The following ARHGAP23 variants were observed in gnomAD, a reference collection of about 807,000 sequenced individuals.
ARHGAP23 encodes the protein Rho GTPase activating protein 23, also known as rho GTPase-activating protein 23.
ARHGAP23 carries 34 observed loss-of-function variants against 136.3 expected under a neutral mutation model. The observed-to-expected ratio is 0.25, with a 90% CI of 0.19 to 0.33. ARHGAP23 has a LOEUF of 0.33. ARHGAP23 is among the 10% of genes least tolerant of loss of function. ARHGAP23 has a pLI of 1.00. For missense variants in ARHGAP23, 1,808 were observed against 2,139.0 expected (o/e 0.85, Z 3.05); for synonymous variants, 832 against 920.5 (o/e 0.90, Z 1.74).
chr17:38,465,669 G>A (rs1460157676), intron 6 of ARHGAP23, among the ~76,000 whole-genome samples: 1 of 152,208 alleles, frequency 6.6e-6, no homozygotes, highest in Non-Finnish European at 1.5e-5. Context: ...TGGCTCAGGA[G>A]CCAGCTCCCC....
chr17:38,478,038 C>A, intron 12 of ARHGAP23, 142 bp downstream of exon 12: 1 of 957,950 alleles, frequency 1.0e-6, no homozygotes, highest in Non-Finnish European at 1.6e-6. Context: ...TGATTGTGTC[C>A]CCCAAGGTTT....
At chr17:38,460,587 C>A (rs901712473) in intron 2 of ARHGAP23, among the ~76,000 whole-genome samples, 2 of 152,120 alleles carry the variant, frequency 1.3e-5, no homozygotes, top group Non-Finnish European at 2.9e-5. Context: ...CTGCCCGCGT[C>A]TTCTGTGTGT....
In ARHGAP23 at chr17:38,510,130, C is replaced by T; in HGVS notation, c.3634C>T (p.Arg1212Trp). ...GGCCACAGCGCCGGGGACTCAGGAG[C>T]GGCCGCAGGGGCCGCTGCCTGGCGC... ...AGATAPGTQERPQGPLPGAVA... is the reference protein window; with the variant it reads ...AGATAPGTQEWPQGPLPGAVA... Residue 1212 changes from arginine to tryptophan, a missense_variant, in exon 24 of 24, where the codon CGG (arginine) becomes TGG (tryptophan). Coordinates refer to ENST00000622683, the MANE Select transcript of ARHGAP23 (RefSeq NM_001199417.2). The surrounding 1 kb of genome is among the most constrained non-coding windows in gnomAD (Gnocchi z 4.6). The T allele has an allele frequency of 1.6e-6, 2 of 1,266,732 alleles. No homozygotes were observed. The highest frequency in any genetic ancestry group is 9.9e-7 in the Non-Finnish European group (1 of 1,012,578). The allele number at this position is 1,266,732 out of a possible 1,614,324, so 78.5% of individuals were successfully genotyped here.
intron 10 of ARHGAP23, 82 bp downstream of exon 10, chr17:38,469,986 GGC>G: frequency 1.4e-6 from 2 of 1,479,100 alleles, no homozygotes; most frequent in South Asian, 1.2e-5. Context: ...CCACAGCCTC[GGC>G]ATGGGGGTTC....
intron 1 of ARHGAP23, among the ~76,000 whole-genome samples, chr17:38,421,823 C>T (rs565036371): frequency 8.5e-5 from 13 of 152,324 alleles, no homozygotes; most frequent in African/African-American, 2.4e-4. Flanking sequence ...TCCAGAGCTT[C>T]GACGGGGAGG....
chr17:38,481,910 G>A, intron 14 of ARHGAP23, 112 bp from the exon 15 acceptor site: 3 of 1,132,822 alleles, frequency 2.6e-6, no homozygotes, highest in Non-Finnish European at 3.6e-6. Flanking sequence ...CTGGGCATCT[G>A]GTTTCTTCTC....
upstream of ARHGAP23, among the ~76,000 whole-genome samples, chr17:38,425,705 G>A (rs780931123): frequency 5.6e-4 from 86 of 152,340 alleles, 1 homozygote; most frequent in Non-Finnish European, 1.0e-3. Flanking sequence ...AATACAGTGG[G>A]TGCTGGGGCG....
chr17:38,444,655 A>G (rs1291049963), intron 1 of ARHGAP23, among the ~76,000 whole-genome samples: 3 of 152,046 alleles, frequency 2.0e-5, no homozygotes, highest in Non-Finnish European at 4.4e-5. Context: ...GGGGACCTCT[A>G]GGGCTCCAAA....
At chr17:38,507,624 C>T (rs1302708077) in intron 23 of ARHGAP23, among the ~76,000 whole-genome samples, 1 of 152,074 alleles carries the variant, frequency 6.6e-6, no homozygotes, top group Non-Finnish European at 1.5e-5. Flanking sequence ...TCAGGTGATC[C>T]TAGCGGCCTC....
chr17:38,505,005 T>C (rs2040601535), intron 23 of ARHGAP23, among the ~76,000 whole-genome samples: 1 of 103,830 alleles, frequency 9.6e-6, no homozygotes. Flanking sequence ...TTTTTTTTTT[T>C]TTTTTTTTTT....
chr17:38,508,310 G>A (rs980116163), intron 23 of ARHGAP23, among the ~76,000 whole-genome samples: 13 of 152,172 alleles, frequency 8.5e-5, no homozygotes, highest in Non-Finnish European at 1.5e-4. Flanking sequence ...AGGGCAGGGG[G>A]ACATTAAGGG....
chr17:38,479,945 G>A (rs999069132), intron 14 of ARHGAP23, 62 bp downstream of exon 14: 10 of 1,527,030 alleles, frequency 6.5e-6, no homozygotes, highest in African/African-American at 5.5e-5. Context: ...GGAGGGGAGG[G>A]CACGCGTGTG....
At chr17:38,442,875 G>T (rs1465500271) in intron 1 of ARHGAP23, among the ~76,000 whole-genome samples, 6 of 152,204 alleles carry the variant, frequency 3.9e-5, no homozygotes. Context: ...CCAGAGAGGT[G>T]ACTGCCGCTT....
At chr17:38,421,702 C>T (rs966103392) in intron 1 of ARHGAP23, among the ~76,000 whole-genome samples, 4 of 152,190 alleles carry the variant, frequency 2.6e-5, no homozygotes, top group African/African-American at 9.7e-5. Context: ...GAGGGGCTTG[C>T]CCCACTGTGG....
chr17:38,422,636 C>G (rs2038530779), intron 1 of ARHGAP23, among the ~76,000 whole-genome samples: 1 of 152,192 alleles, frequency 6.6e-6, no homozygotes, highest in South Asian at 2.1e-4. Context: ...CCAGCTCAGA[C>G]AAGATGCAGC....
At chr17:38,424,842 T>C (rs1162812485), upstream of ARHGAP23, among the ~76,000 whole-genome samples, 1 of 152,230 alleles carries the variant, frequency 6.6e-6, no homozygotes, top group Non-Finnish European at 1.5e-5. Context: ...CACAGGCCTT[T>C]GTGAGGCTTA....
chr17:38,428,422 C>T (rs900825032), upstream of ARHGAP23: 104 of 966,298 alleles, frequency 1.1e-4, no homozygotes, highest in East Asian at 3.7e-3. Context: ...CCGGCCCCGC[C>T]CCTCCCGGGT....
At chr17:38,428,445 C>T, upstream of ARHGAP23, 1 of 1,350,542 alleles carries the variant, frequency 7.4e-7, no homozygotes, top group Non-Finnish European at 9.6e-7. Flanking sequence ...CTGCCGGCGC[C>T]CCCAGCCGTG....
intron 1 of ARHGAP23, among the ~76,000 whole-genome samples, chr17:38,441,675 G>C (rs550508298): frequency 1.3e-5 from 2 of 152,314 alleles, no homozygotes; most frequent in African/African-American, 2.4e-5. Context: ...TCCTTAGCTT[G>C]CTAAGTTAAA....
Sources: gnomAD v4.1 joint callset for allele counts (sites outside exome capture counted in the v4.1 genomes callset) on GRCh38, gnomAD v4.1.1 for gene constraint, Gnocchi (gnomAD v3.1) non-coding constraint, MANE v1.5 for transcripts, NCBI Gene and HGNC (gene_info 2026-07-23, HGNC 2026-07-21) for gene names.